Variants in KCNU1 observed in about 807,000 individuals in gnomAD.
KCNU1 encodes potassium calcium-activated channel subfamily U member 1.
Under a neutral mutation model 126.8 loss-of-function variants are expected in KCNU1, and 93 were observed. That is an observed-to-expected ratio of 0.73 (90% CI 0.62 to 0.87). KCNU1 has a LOEUF of 0.87. Among genes scored for constraint, KCNU1 ranks in the 40% least tolerant of loss-of-function variants. KCNU1 has a pLI of 0.00. For synonymous variants in KCNU1, 523 were observed against 494.2 expected (o/e 1.06, Z -0.77); for missense variants, 1,330 against 1,367.1 (o/e 0.97, Z 0.43).
intron 12 of KCNU1, among the ~76,000 whole-genome samples, chr8:36,835,919 T>C (rs1804729799): frequency 6.6e-6 from 1 of 152,212 alleles, no homozygotes; most frequent in Non-Finnish European, 1.5e-5. Context: ...GAAGTTGAAT[T>C]AGACAGTCTA....
intron 19 of KCNU1, among the ~76,000 whole-genome samples, chr8:36,882,746 G>A (rs1186604298): frequency 6.6e-6 from 1 of 152,014 alleles, no homozygotes; most frequent in Non-Finnish European, 1.5e-5. Context: ...ACCACACCCA[G>A]CTAATTTTAT....
intron 19 of KCNU1, among the ~76,000 whole-genome samples, chr8:36,895,503 C>T (rs1807154104): frequency 1.3e-5 from 2 of 152,112 alleles, no homozygotes; most frequent in Non-Finnish European, 2.9e-5. Context: ...CAGGTTTCAT[C>T]ATCTCTATTA....
At chr8:36,796,127 G>A (rs184268687) in intron 2 of KCNU1, among the ~76,000 whole-genome samples, 1 of 152,120 alleles carries the variant, frequency 6.6e-6, no homozygotes, top group East Asian at 1.9e-4. Context: ...TTTTAATTTT[G>A]GTTTCTTGTT....
rs1263683110 is a variant in KCNU1 at position 36,922,410 on chromosome 8, C to T, written c.2597-80C>T. On this transcript the variant is annotated intron_variant, in intron 23 of 26. Coordinates refer to ENST00000399881, the MANE Select transcript of KCNU1 (RefSeq NM_001031836.3). The stretch of plus-strand genomic sequence containing the variant: ...ATCAGATCTTTTGATCAAGTGGTCG[C>T]CCCTTGGCCTGCATGGATGGCACTT... The T allele has an allele frequency of 7.6e-6, 11 of 1,448,244 alleles. No homozygotes were observed. In the Admixed American group the frequency reaches 1.1e-4, roughly 14 times the overall value. The allele number at this position is 1,448,244 out of a possible 1,614,324, so 89.7% of individuals were successfully genotyped here.
intron 24 of KCNU1, chr8:36,928,788 G>A: frequency 4.0e-6 from 2 of 499,802 alleles, no homozygotes; most frequent in South Asian, 5.7e-5. Flanking sequence ...ATCTTCTGAA[G>A]GAGCACATCA....
At chr8:36,793,393 GA>G (rs1255393488) in intron 2 of KCNU1, among the ~76,000 whole-genome samples, 1 of 151,280 alleles carries the variant, frequency 6.6e-6, no homozygotes, top group Non-Finnish European at 1.5e-5. Flanking sequence ...TAAATAAAAA[GA>G]AAAATCCATC....
At chr8:36,883,009 T>A (rs1205495412) in intron 19 of KCNU1, among the ~76,000 whole-genome samples, 1 of 152,248 alleles carries the variant, frequency 6.6e-6, no homozygotes, top group Non-Finnish European at 1.5e-5. Context: ...TTGCATTTCA[T>A]TTACTTTTAC....
At position 36,885,551 on chromosome 8, in the gene KCNU1, C is replaced by G. The variant is rs894963928; in HGVS notation, c.2010-20157C>G. 2.6e-5 allele frequency among the ~76,000 whole-genome samples: 4 copies of G among 152,030 alleles called. No individual in the cohort carries two copies. The South Asian group carries it at 8.3e-4, about 32-fold the overall frequency. On this transcript the variant is annotated intron_variant, in intron 19 of 26. Transcript: ENST00000399881. ...CCTGGGCAACAGAGCAAAACTCTGT[C>G]TCAAATTAAAAAAATAAAAAAAACT...
intron 16 of KCNU1, among the ~76,000 whole-genome samples, chr8:36,842,298 T>C (rs1187892454): frequency 3.3e-5 from 5 of 152,228 alleles, no homozygotes; most frequent in African/African-American, 1.2e-4. Flanking sequence ...GGAATTATTA[T>C]ATGTGAAAAG....
Position 36,784,716 on chromosome 8 carries a change from C to T in KCNU1, c.195+111C>T, listed in dbSNP as rs1028176576. On this transcript the variant is annotated intron_variant, in intron 1 of 26. Coordinates refer to ENST00000399881, the MANE Select transcript of KCNU1 (RefSeq NM_001031836.3). ...ATTCAGTTTTTCAAGCTAACAGAGT[C>T]AGCTTCTATAGCCTGGTGCCTCAGA... 31 of 847,868 alleles carry T rather than the reference C, an allele frequency of 3.7e-5. No homozygotes were observed. In the African/African-American group the frequency reaches 4.6e-4, roughly 13 times the overall value. 52.5% of individuals were successfully genotyped at this position (847,868 alleles called of 1,614,324 possible). A position where few individuals can be genotyped will look rare whatever the true frequency, so the allele number is the denominator to read the frequency against.
In KCNU1 at chr8:36,887,653, G is replaced by A. The variant is rs562604447; in HGVS notation, c.2010-18055G>A. ...CTTGTCCAATAAAAGCTGTAGTTAT[G>A]GCTGGTAGAACAGAGATTAGTTAGT... On this transcript the variant is annotated intron_variant, in intron 19 of 26. Coordinates refer to ENST00000399881, the MANE Select transcript of KCNU1 (RefSeq NM_001031836.3). Among the ~76,000 whole-genome samples, 3 of 152,130 alleles carry A rather than the reference G, an allele frequency of 2.0e-5. No individual in the cohort carries two copies. The South Asian group carries it at 6.2e-4, about 32-fold the overall frequency.
intron 10 of KCNU1, among the ~76,000 whole-genome samples, chr8:36,826,361 C>G (rs914446320): frequency 7.2e-5 from 11 of 151,986 alleles, no homozygotes; most frequent in Admixed American, 2.0e-4. Context: ...AAGTGCCCAC[C>G]ACCACGCCTG....
intron 18 of KCNU1, among the ~76,000 whole-genome samples, chr8:36,851,749 T>C (rs1805356822): frequency 6.6e-6 from 1 of 152,220 alleles, no homozygotes; most frequent in Admixed American, 6.5e-5. Flanking sequence ...TTAGCTTTAT[T>C]TTTAGATGGT....
chr8:36,865,003 C>T, intron 19 of KCNU1, among the ~76,000 whole-genome samples: 1 of 152,106 alleles, frequency 6.6e-6, no homozygotes, highest in East Asian at 1.9e-4. Context: ...GGAGGATGAC[C>T]TGCTTAGTTG....
intron 10 of KCNU1, among the ~76,000 whole-genome samples, chr8:36,826,019 T>A (rs1025784917): frequency 6.6e-6 from 1 of 152,010 alleles, no homozygotes; most frequent in African/African-American, 2.4e-5. Context: ...TTAATTTACC[T>A]CTGGATTGGT....
At chr8:36,908,610 C>T (rs573618754) in intron 20 of KCNU1, among the ~76,000 whole-genome samples, 3 of 148,896 alleles carry the variant, frequency 2.0e-5, no homozygotes, top group South Asian at 2.1e-4. Flanking sequence ...CGCATATTCT[C>T]ACTCATAGGT....
chr8:36,918,600 A>G (rs1440100360), intron 22 of KCNU1, among the ~76,000 whole-genome samples: 1 of 150,758 alleles, frequency 6.6e-6, no homozygotes, highest in Non-Finnish European at 1.5e-5. Context: ...CCCCCCCACC[A>G]CACACACACA....
intron 19 of KCNU1, among the ~76,000 whole-genome samples, chr8:36,885,320 C>T (rs548625614): frequency 9.2e-5 from 14 of 152,190 alleles, no homozygotes; most frequent in East Asian, 3.9e-4. Flanking sequence ...TTTGGGAGGC[C>T]GAGGCGGGCA....
At chr8:36,788,812 T>C (rs1802801461) in intron 2 of KCNU1, among the ~76,000 whole-genome samples, 1 of 152,194 alleles carries the variant, frequency 6.6e-6, no homozygotes, top group Admixed American at 6.5e-5. Flanking sequence ...TCTTCAAATG[T>C]TCAAGTCATG....
Sources: gnomAD v4.1 joint callset for allele counts (sites outside exome capture counted in the v4.1 genomes callset) on GRCh38, gnomAD v4.1.1 for gene constraint, MANE v1.5 for transcripts, NCBI Gene and HGNC (gene_info 2026-07-23, HGNC 2026-07-21) for gene names.